CFAP74: variants seen among roughly 807,000 people sequenced by gnomAD.
CFAP74 encodes the protein cilia- and flagella-associated protein 74.
A neutral mutation model predicts 188.9 loss-of-function variants in CFAP74; 124 were observed. The ratio of observed to expected loss-of-function variants is 0.66; its 90% confidence interval spans 0.57 to 0.76. The LOEUF is 0.76. Ranked by LOEUF, CFAP74 falls within the 30% of genes least tolerant of loss-of-function variation. The pLI is 0.00. For synonymous variants in CFAP74, 956 were observed against 916.7 expected, an observed-to-expected ratio of 1.04 and a Z score of -0.77; for missense variants, 2,198 against 2,165.2, an observed-to-expected ratio of 1.02 and a Z score of -0.30.
chr1:1,963,456 CAAAAAAAAA>C (rs772909618), intron 14 of CFAP74, among the ~76,000 whole-genome samples: 5 of 32,882 alleles, frequency 1.5e-4, no homozygotes, highest in East Asian at 1.8e-3. Context: ...GACTCCATCT[CAAAAAAAAA>C]AAAAAAAAAA....
chr1:1,967,779 C>A (rs1429935129), intron 11 of CFAP74, among the ~76,000 whole-genome samples: 1 of 152,192 alleles, frequency 6.6e-6, no homozygotes, highest in Non-Finnish European at 1.5e-5. Flanking sequence ...AGAGGACCAT[C>A]GTCCCTACCC....
In CFAP74 at chr1:2,002,207, A is replaced by T. The variant is rs948076176; in HGVS notation, c.-20+1494T>A. Among the ~76,000 whole-genome samples the T allele has an allele frequency of 3.9e-5, 6 of 152,234 alleles. No homozygotes were observed. In the East Asian group the frequency reaches 1.2e-3, roughly 29 times the overall value. ...ACTTACTCTCAAATCCTTCACGAGA[A>T]GTTTTTTTGTGCTGAGCTTGCAACT... On this transcript the variant is annotated intron_variant, in intron 1 of 38. Coordinates refer to ENST00000682832, the MANE Select transcript of CFAP74 (RefSeq NM_001304360.2).
intron 14 of CFAP74, among the ~76,000 whole-genome samples, chr1:1,963,440 G>A (rs1158816233): frequency 1.9e-5 from 2 of 105,368 alleles, no homozygotes; most frequent in Non-Finnish European, 3.4e-5. Flanking sequence ...CTGGGCGACA[G>A]AGCAAGACTC....
intron 27 of CFAP74, chr1:1,927,994 G>A: frequency 1.9e-6 from 1 of 526,372 alleles, no homozygotes; most frequent in South Asian, 2.1e-5. Context: ...CACGGAGTGA[G>A]GAGGCGGCCA....
chr1:1,955,235 C>T, intron 18 of CFAP74: 1 of 1,290,422 alleles, frequency 7.7e-7, no homozygotes, highest in African/African-American at 1.5e-5. Context: ...GGAGGAGACG[C>T]AAGCGATTCC....
chr1:1,959,649 G>A (rs553593652), intron 15 of CFAP74, among the ~76,000 whole-genome samples: 4 of 152,296 alleles, frequency 2.6e-5, no homozygotes, highest in African/African-American at 7.2e-5. Context: ...GTGACCCCAG[G>A]GGAAAGAGTC....
chr1:1,943,844 C>G (rs951156043), intron 21 of CFAP74, among the ~76,000 whole-genome samples: 2 of 152,218 alleles, frequency 1.3e-5, no homozygotes, highest in Non-Finnish European at 2.9e-5. Context: ...CGGGCAGGGC[C>G]GTGCCCTTGT....
chr1:1,957,629 G>A (rs1407588858), intron 16 of CFAP74, among the ~76,000 whole-genome samples: 2 of 152,218 alleles, frequency 1.3e-5, no homozygotes, highest in Admixed American at 6.5e-5. Context: ...GGGAGAGGCC[G>A]GGGCAGCTCT....
chr1:1,925,830 T>G lies in CFAP74; in HGVS notation c.4057A>C (p.Asn1353His). The change falls in exon 33 of 39, where the codon AAC (asparagine) becomes CAC (histidine). Residue 1353 changes from asparagine (N) to histidine (H), a missense_variant. Asn to His is a moderately conservative substitution (Grantham distance 68). Coordinates refer to ENST00000682832, the MANE Select transcript of CFAP74 (RefSeq NM_001304360.2). ...TCTCCGGCAATCACATAGCCCATGT[T>G]GAGGACGCTGCCTTCAATGGAGCAC... The part of the protein sequence containing the change: ...ITCSIEGSVL[N>H]MGYVIAGESV... The G allele has an allele frequency of 6.2e-7, 1 of 1,612,704 alleles. No individual in the cohort carries two copies. The highest frequency in any genetic ancestry group is 8.5e-7 in the Non-Finnish European group (1 of 1,179,912).
chr1:1,985,517 C>T (rs1238349181), intron 5 of CFAP74, 27 bp from the exon 6 acceptor site: 18 of 1,581,636 alleles, frequency 1.1e-5, no homozygotes, highest in Admixed American at 6.7e-5. Flanking sequence ...ACAGGCCGGG[C>T]GTGTGTCAGG....
At chr1:1,946,884 G>A (rs1454364350) in intron 19 of CFAP74, 106 bp downstream of exon 19, 1 of 868,492 alleles carries the variant, frequency 1.2e-6, no homozygotes, top group East Asian at 2.7e-5. Context: ...CAAACGCAAG[G>A]GCCACCTAGC....
At chr1:1,979,020 C>A (rs1656629570) in intron 6 of CFAP74, among the ~76,000 whole-genome samples, 2 of 148,382 alleles carry the variant, frequency 1.3e-5, no homozygotes, top group Admixed American at 1.3e-4. Context: ...GTGTGTCGTG[C>A]TGAGCTGGGC....
chr1:1,944,551 G>C, intron 20 of CFAP74, 99 bp from the exon 21 acceptor site: 1 of 1,284,210 alleles, frequency 7.8e-7, no homozygotes, highest in Admixed American at 2.3e-5. Flanking sequence ...CGTTTCATGG[G>C]CTTGAGTTTT....
At chr1:1,952,343 G>A (rs77570629) in intron 18 of CFAP74, among the ~76,000 whole-genome samples, 11,687 of 149,516 alleles carry the variant, frequency 0.078, 1,453 homozygotes, top group African/African-American at 0.27. Context: ...AAAGGCTAGA[G>A]TATAAAATTA....
At chr1:1,927,109 C>A (rs1651970452) in intron 28 of CFAP74, 81 bp from the exon 29 acceptor site, 2 of 1,389,706 alleles carry the variant, frequency 1.4e-6, no homozygotes, top group South Asian at 1.3e-5. Flanking sequence ...GGCTCTGCCT[C>A]AGGGTCCCAG....
At position 1,965,016 on chromosome 1, in the gene CFAP74, T is replaced by C. The variant is rs777305367; in HGVS notation, c.1447A>G (p.Met483Val). Reference protein sequence around the residue: ...VDRKPVGGTKMDKDILERTVE... With the variant: ...VDRKPVGGTKVDKDILERTVE... Reference sequence around the variant, plus strand: ...GTGCGCTCCAGGATGTCCTTGTCCATCTTTGTCCCGCCCACGGGCTTTCGG... The same window carrying C: ...GTGCGCTCCAGGATGTCCTTGTCCACCTTTGTCCCGCCCACGGGCTTTCGG... Residue 483 changes from methionine (M) to valine (V), a missense_variant, in exon 13 of 39, where the codon ATG becomes GTG. Coordinates refer to ENST00000682832, the MANE Select transcript of CFAP74 (RefSeq NM_001304360.2). 1 of 1,613,872 alleles carries C rather than the reference T, an allele frequency of 6.2e-7. No homozygotes were observed. The highest frequency in any genetic ancestry group is 1.7e-5 in the Admixed American group (1 of 59,976).
Position 1,990,760 on chromosome 1 carries a change from T to C in CFAP74, c.67+130A>G, listed in dbSNP as rs561806812. ...AAAGACAATAATATAAGCTCCCTCT[T>C]TGAGAGAAAAATATGAGTGTAAAAG... On this transcript the variant is annotated intron_variant, in intron 2 of 38. Transcript: ENST00000682832. 4 of 617,896 alleles carry C rather than the reference T, an allele frequency of 6.5e-6. No individual in the cohort carries two copies. The South Asian group carries it at 7.9e-5, about 12-fold the overall frequency. 38.3% of individuals were successfully genotyped at this position (617,896 alleles called of 1,614,324 possible).
Position 1,923,615 on chromosome 1 carries a change from C to A in CFAP74, c.4390-116G>T, listed in dbSNP as rs950092087. The A allele has an allele frequency of 2.1e-5, 32 of 1,527,688 alleles. No individual in the cohort carries two copies. The highest frequency in any genetic ancestry group is 2.3e-5 in the Non-Finnish European group (26 of 1,129,218). 94.6% of individuals were successfully genotyped at this position (1,527,688 alleles called of 1,614,324 possible). On this transcript the variant is annotated intron_variant, in intron 35 of 38. Coordinates refer to ENST00000682832, the MANE Select transcript of CFAP74 (RefSeq NM_001304360.2). The surrounding 1 kb of genome is among the most constrained non-coding windows in gnomAD (Gnocchi z 6.3). ...GGGACGGCCTGGGGGCCCCGTGGGGCCCTGGACTCTGGTCTTTCCACTGAC... is the reference window on the plus strand; with the variant it reads ...GGGACGGCCTGGGGGCCCCGTGGGGACCTGGACTCTGGTCTTTCCACTGAC...
At chr1:1,967,954 T>TGAG (rs1292304122) in intron 11 of CFAP74, among the ~76,000 whole-genome samples, 1 of 79,098 alleles carries the variant, frequency 1.3e-5, no homozygotes, top group Non-Finnish European at 3.1e-5. Flanking sequence ...AGTGAATCAG[T>TGAG]GAGTGAGTGA....
Sources: gnomAD v4.1 joint callset for allele counts (sites outside exome capture counted in the v4.1 genomes callset) on GRCh38, gnomAD v4.1.1 for gene constraint, Gnocchi (gnomAD v3.1) non-coding constraint, MANE v1.5 for transcripts, NCBI Gene and HGNC (gene_info 2026-07-23, HGNC 2026-07-21) for gene names.